Variants in HS6ST3 observed in about 807,000 individuals in gnomAD.
HS6ST3 encodes heparan-sulfate 6-O-sulfotransferase 3.
Under a neutral mutation model 36.7 loss-of-function variants are expected in HS6ST3, and 12 were observed. That is an observed-to-expected ratio of 0.33 (90% CI 0.21 to 0.53). The LOEUF (loss-of-function observed/expected upper bound fraction) is 0.53, where lower values mean the gene tolerates loss of function less well. Among genes scored for constraint, HS6ST3 ranks in the 20% least tolerant of loss-of-function variants. The probability of loss-of-function intolerance (pLI) is 0.95; values close to 1 mark genes in which losing one functional copy is unlikely to be tolerated. For missense variants in HS6ST3, 584 were observed against 640.9 expected (o/e 0.91, Z 0.96); for synonymous variants, 240 against 257.5 (o/e 0.93, Z 0.65).
intron 1 of HS6ST3, among the ~76,000 whole-genome samples, chr13:96,554,564 C>A (rs2056232191): frequency 2.6e-5 from 4 of 152,154 alleles, no homozygotes; most frequent in Admixed American, 2.6e-4. Context: ...ATCTCCTTAT[C>A]TGTGGACTGT....
intron 1 of HS6ST3, among the ~76,000 whole-genome samples, chr13:96,266,600 G>A (rs1298096063): frequency 6.6e-6 from 1 of 152,108 alleles, no homozygotes; most frequent in Non-Finnish European, 1.5e-5. Flanking sequence ...AAAGGGCTGG[G>A]AGACCCAATT....
At position 96,214,600 on chromosome 13, in the gene HS6ST3, A is replaced by G. The variant is rs140120215; in HGVS notation, c.707+123031A>G. Among the ~76,000 whole-genome samples the G allele has an allele frequency of 5.8e-3, 882 of 152,244 alleles. 6 individuals carry two copies. Among genetic ancestry groups the G allele is most frequent in the African/African-American group, 0.02 (837 of 41,532 alleles). ...ACATTATTTTTAATTTTTAATTTTT[A>G]TGGGTACATAGTAGGTGTATATGGG... On this transcript the variant is annotated intron_variant, in intron 1 of 1. Transcript: ENST00000376705.
rs1366428830 is a variant in HS6ST3, at chr13:96,832,702, A to G, written c.920A>G (p.Asn307Ser). The change falls in exon 2 of 2, where the codon AAC becomes AGC. Residue 307 changes from asparagine to serine, a missense_variant. This residue lies in a region of HS6ST3 where 360 missense variants were observed against 411.3 expected (regional missense o/e 0.88). Transcript: ENST00000376705. ...ATGGATTGCACCTACAACCTGGCTA[A>G]CAATCGCCAGGTGCGCATGCTGGCT... ...EFMDCTYNLA[N>S]NRQVRMLADL... The G allele has an allele frequency of 1.2e-6, 2 of 1,613,928 alleles. No individual in the cohort carries two copies. The highest frequency in any genetic ancestry group is 2.7e-5 in the African/African-American group (2 of 74,928).
At chr13:96,453,504 T>C (rs559382133) in intron 1 of HS6ST3, among the ~76,000 whole-genome samples, 1 of 152,218 alleles carries the variant, frequency 6.6e-6, no homozygotes, top group Non-Finnish European at 1.5e-5. Context: ...TGCTATAAGA[T>C]GTGCAGAAAC....
At chr13:96,162,304 A>T (rs2054139378) in intron 1 of HS6ST3, among the ~76,000 whole-genome samples, 1 of 152,264 alleles carries the variant, frequency 6.6e-6, no homozygotes, top group South Asian at 2.1e-4. Flanking sequence ...TAGAAGAAAG[A>T]GCTGAATATG....
At chr13:96,789,170 A>G (rs1594860445) in intron 1 of HS6ST3, among the ~76,000 whole-genome samples, 1 of 151,594 alleles carries the variant, frequency 6.6e-6, no homozygotes, top group Non-Finnish European at 1.5e-5. Flanking sequence ...GTTTTTAAAT[A>G]TTTCTCTTTG....
chr13:96,510,257 A>AT lies in HS6ST3; in HGVS notation c.708-322225dup, dbSNP rs201790623. On this transcript the variant is annotated intron_variant, in intron 1 of 1. Coordinates refer to ENST00000376705, the MANE Select transcript of HS6ST3 (RefSeq NM_153456.4). The stretch of plus-strand genomic sequence containing the variant: ...ATTTTATAACCAGAGACTTTAATCA[A>AT]TTTTTTTTATCAAACCTAGGAGTCT... 5.4e-3 allele frequency among the ~76,000 whole-genome samples: 822 copies of AT among 151,954 alleles called. 7 individuals are homozygous for AT. Among genetic ancestry groups the AT allele is most frequent in the Middle Eastern group, 0.02 (6 of 294 alleles).
chr13:96,243,568 A>G (rs2054571341), intron 1 of HS6ST3, among the ~76,000 whole-genome samples: 1 of 152,200 alleles, frequency 6.6e-6, no homozygotes, highest in Non-Finnish European at 1.5e-5. Flanking sequence ...AATAATTGAC[A>G]AGGCTGCTAA....
intron 1 of HS6ST3, among the ~76,000 whole-genome samples, chr13:96,670,268 A>C (rs1271461542): frequency 6.6e-6 from 1 of 152,150 alleles, no homozygotes; most frequent in Non-Finnish European, 1.5e-5. Context: ...GGAGGTTCTC[A>C]CTGGCCTTGG....
chr13:96,445,007 TA>T (rs113634739), intron 1 of HS6ST3, among the ~76,000 whole-genome samples: 5 of 151,926 alleles, frequency 3.3e-5, no homozygotes, highest in South Asian at 2.1e-4. Context: ...GAGAAATTGT[TA>T]AAAAAAATGG....
At chr13:96,774,271 C>G (rs899899970) in intron 1 of HS6ST3, among the ~76,000 whole-genome samples, 1 of 152,130 alleles carries the variant, frequency 6.6e-6, no homozygotes, top group South Asian at 2.1e-4. Flanking sequence ...AATGCCTCTT[C>G]TCCTCCAAAG....
In HS6ST3 at chr13:96,199,698, A is replaced by G. The variant is rs555855051; in HGVS notation, c.707+108129A>G. On this transcript the variant is annotated intron_variant, in intron 1 of 1. Transcript: ENST00000376705. ...CAAAGCCGAGGCTCTGGCAAATTGT[A>G]ACATACTTTATTTTAAATTTTGACT... 2.0e-5 allele frequency among the ~76,000 whole-genome samples: 3 copies of G among 152,202 alleles called. No homozygotes were observed. The East Asian group carries it at 5.8e-4, about 29-fold the overall frequency.
chr13:96,144,072 G>T (rs1429838121), intron 1 of HS6ST3, among the ~76,000 whole-genome samples: 2 of 152,124 alleles, frequency 1.3e-5, no homozygotes, highest in Non-Finnish European at 2.9e-5. Flanking sequence ...ACACAGTGGG[G>T]TCCAAAATCT....
intron 1 of HS6ST3, among the ~76,000 whole-genome samples, chr13:96,354,605 ATAATGT>A (rs1023288411): frequency 1.3e-5 from 2 of 152,308 alleles, no homozygotes; most frequent in African/African-American, 4.8e-5. Flanking sequence ...GAAGAATTAC[ATAATGT>A]TACTGCTTAT....
chr13:96,525,493 C>T (rs2056110151), intron 1 of HS6ST3, among the ~76,000 whole-genome samples: 1 of 152,114 alleles, frequency 6.6e-6, no homozygotes, highest in Non-Finnish European at 1.5e-5. Flanking sequence ...ATACTAGCTA[C>T]TGACAATATA....
chr13:96,223,527 T>C (rs2139363759), intron 1 of HS6ST3, among the ~76,000 whole-genome samples: 1 of 152,300 alleles, frequency 6.6e-6, no homozygotes, highest in African/African-American at 2.4e-5. Flanking sequence ...AGCCTGGGCC[T>C]GAACCCAAGA....
chr13:96,624,016 G>A (rs1421189967), intron 1 of HS6ST3, among the ~76,000 whole-genome samples: 1 of 152,102 alleles, frequency 6.6e-6, no homozygotes, highest in Non-Finnish European at 1.5e-5. Flanking sequence ...ATCTTGCTTG[G>A]TATATGAAAT....
chr13:96,402,193 A>G (rs1012969380), intron 1 of HS6ST3, among the ~76,000 whole-genome samples: 1 of 152,200 alleles, frequency 6.6e-6, no homozygotes, highest in Non-Finnish European at 1.5e-5. Flanking sequence ...TTAACTATCT[A>G]TATAAGACAT....
intron 1 of HS6ST3, among the ~76,000 whole-genome samples, chr13:96,391,757 C>T (rs2139452086): frequency 6.6e-6 from 1 of 152,304 alleles, no homozygotes; most frequent in East Asian, 1.9e-4. Flanking sequence ...AACCCACACA[C>T]TATCACAAGA....
Sources: gnomAD v4.1 joint callset for allele counts (sites outside exome capture counted in the v4.1 genomes callset) on GRCh38, gnomAD v4.1.1 for gene constraint, gnomAD v4.1.1 regional missense constraint, MANE v1.5 for transcripts, NCBI Gene and HGNC (gene_info 2026-07-23, HGNC 2026-07-21) for gene names.